HIPK2: variants seen among roughly 807,000 people sequenced by gnomAD.
The protein encoded by HIPK2 is homeodomain-interacting protein kinase 2.
A neutral mutation model predicts 113.7 loss-of-function variants in HIPK2; 27 were observed. The ratio of observed to expected loss-of-function variants is 0.24; its 90% CI spans 0.17 to 0.33. The LOEUF (loss-of-function observed/expected upper bound fraction) is 0.33, where lower values mean the gene tolerates loss of function less well. Ranked by LOEUF, HIPK2 falls within the 10% of genes least tolerant of loss-of-function variation. HIPK2 has a pLI of 1.00. For missense variants in HIPK2, 1,257 were observed against 1,588.0 expected (o/e 0.79, Z 3.54); for synonymous variants, 631 against 642.2 (o/e 0.98, Z 0.26).
Position 139,626,744 on chromosome 7 carries a change from T to G in HIPK2, c.1476A>C (p.Val492=), listed in dbSNP as rs763203519. The change falls in exon 6 of 15, where the codon GTA becomes GTC. Residue 492 remains valine (V), a synonymous_variant. Transcript: ENST00000406875. ...TTDLEGSDML[V]EKADRREFID... ...TGAACTCCCGCCGGTCAGCCTTTTC[T>G]ACCAACATGTCGCTCCCTTCCAAAT... The G allele has an allele frequency of 2.5e-6, 4 of 1,614,016 alleles. No individual in the cohort carries two copies. Among genetic ancestry groups the G allele is most frequent in the Non-Finnish European group, 3.4e-6 (4 of 1,179,906 alleles).
Position 139,631,811 on chromosome 7 carries a change from G to T in HIPK2, c.1104-86C>A. On this transcript the variant is annotated intron_variant, in intron 2 of 14. Coordinates refer to ENST00000406875, the MANE Select transcript of HIPK2 (RefSeq NM_022740.5). This position sits in a 1 kb window ranked among gnomAD's most constrained non-coding sequence, Gnocchi z 4.9. Reference sequence around the variant, plus strand: ...ATGAATACTATCTTTCAAACCTGGGGTGCCATTACTGACTCCTCCTCTGAA... The same window carrying T: ...ATGAATACTATCTTTCAAACCTGGGTTGCCATTACTGACTCCTCCTCTGAA... The T allele has an allele frequency of 6.8e-7, 1 of 1,469,746 alleles. No homozygotes were observed. Among genetic ancestry groups the T allele is most frequent in the Non-Finnish European group, 9.1e-7 (1 of 1,101,644 alleles). The allele number at this position is 1,469,746 out of a possible 1,614,324, so 91.0% of individuals were successfully genotyped here.
intron 1 of HIPK2, among the ~76,000 whole-genome samples, chr7:139,734,429 A>G (rs900015350): frequency 1.3e-5 from 2 of 152,196 alleles, no homozygotes; most frequent in African/African-American, 4.8e-5. Flanking sequence ...AAGATGCCCT[A>G]CAGGAGTCTG....
chr7:139,620,973 T>C (rs1800214690), intron 6 of HIPK2, among the ~76,000 whole-genome samples: 1 of 152,136 alleles, frequency 6.6e-6, no homozygotes, highest in African/African-American at 2.4e-5. Flanking sequence ...CGCCTCCACC[T>C]TTCCCAAAGA....
Position 139,626,729 on chromosome 7 carries a change from C to T in HIPK2, c.1491G>A (p.Arg497=), listed in dbSNP as rs765444198. The T allele has an allele frequency of 5.0e-6, 8 of 1,613,844 alleles. No individual in the cohort carries two copies. Among genetic ancestry groups the T allele is most frequent in the Non-Finnish European group, 6.8e-6 (8 of 1,179,912 alleles). Residue 497 remains arginine (R), a synonymous_variant, in exon 6 of 15, where the codon CGG becomes CGA. Transcript: ENST00000406875. ...GSDMLVEKAD[R]REFIDLLKKM... is the part of the protein sequence containing the mutation. ...TCTTCAACAGGTCAATGAACTCCCGCCGGTCAGCCTTTTCTACCAACATGT... is the reference window on the plus strand; with the variant it reads ...TCTTCAACAGGTCAATGAACTCCCGTCGGTCAGCCTTTTCTACCAACATGT...
At position 139,700,644 on chromosome 7, in the gene HIPK2, C is replaced by G. The variant is rs1405258471; in HGVS notation, c.1103+15288G>C. Reference sequence around the variant, plus strand: ...CAATCTATAAATGATATTTCCTCTCCTCAGTTCATTTCTCTCGTGAGGCTT... The same window carrying G: ...CAATCTATAAATGATATTTCCTCTCGTCAGTTCATTTCTCTCGTGAGGCTT... On this transcript the variant is annotated intron_variant, in intron 2 of 14. Coordinates refer to ENST00000406875, the MANE Select transcript of HIPK2 (RefSeq NM_022740.5). Among the ~76,000 whole-genome samples the G allele has an allele frequency of 3.9e-5, 6 of 152,308 alleles. No homozygotes were observed. The East Asian group carries it at 1.2e-3, about 29-fold the overall frequency.
intron 1 of HIPK2, among the ~76,000 whole-genome samples, chr7:139,759,815 G>A (rs1236232033): frequency 6.6e-6 from 1 of 152,126 alleles, no homozygotes; most frequent in Non-Finnish European, 1.5e-5. Context: ...GGAACAAAGT[G>A]CATAGGGCTC....
intron 13 of HIPK2, among the ~76,000 whole-genome samples, chr7:139,578,008 G>A (rs981188674): frequency 1.6e-4 from 24 of 151,682 alleles, no homozygotes; most frequent in African/African-American, 5.8e-4. Context: ...GCACCACCAC[G>A]CCCAGCTAAT....
At chr7:139,643,327 G>A (rs1002342332) in intron 2 of HIPK2, among the ~76,000 whole-genome samples, 9 of 151,900 alleles carry the variant, frequency 5.9e-5, no homozygotes, top group African/African-American at 1.9e-4. Context: ...TCAGATTGGC[G>A]GTTTTTTCTA....
chr7:139,657,862 ATTGAC>A (rs1348389181), intron 2 of HIPK2, among the ~76,000 whole-genome samples: 1 of 152,202 alleles, frequency 6.6e-6, no homozygotes, highest in African/African-American at 2.4e-5. Context: ...AACACAACTG[ATTGAC>A]TTATTTTGTG....
chr7:139,768,447 T>G (rs1185505476), intron 1 of HIPK2, among the ~76,000 whole-genome samples: 1 of 149,522 alleles, frequency 6.7e-6, no homozygotes. Context: ...GGGAAATCAG[T>G]TTTTTTTTTA....
At chr7:139,667,348 C>T (rs1035511825) in intron 2 of HIPK2, among the ~76,000 whole-genome samples, 3 of 152,008 alleles carry the variant, frequency 2.0e-5, no homozygotes, top group Non-Finnish European at 4.4e-5. Flanking sequence ...ATCACATATA[C>T]ACATATAGCT....
intron 1 of HIPK2, among the ~76,000 whole-genome samples, chr7:139,775,752 C>T (rs865855384): frequency 1.3e-5 from 2 of 152,150 alleles, no homozygotes; most frequent in Non-Finnish European, 2.9e-5. Context: ...GTAGCAGGAA[C>T]GGGGAGAGCC....
chr7:139,590,386 A>T (rs1438141761), intron 12 of HIPK2, among the ~76,000 whole-genome samples: 1 of 152,248 alleles, frequency 6.6e-6, no homozygotes, highest in East Asian at 1.9e-4. Flanking sequence ...TCCCTAAAGG[A>T]GAAAGCACTG....
At position 139,626,696 on chromosome 7, in the gene HIPK2, C is replaced by A; in HGVS notation, c.1524G>T (p.Leu508=). 6.2e-7 allele frequency: 1 copy of A among 1,613,970 alleles called. No individual in the cohort carries two copies. Among genetic ancestry groups the A allele is most frequent in the Non-Finnish European group, 8.5e-7 (1 of 1,179,902 alleles). Residue 508 remains leucine (L), a synonymous_variant, in exon 6 of 15, where the codon CTG becomes CTT. Coordinates refer to ENST00000406875, the MANE Select transcript of HIPK2 (RefSeq NM_022740.5). ...TGATTCTCTTGTCAGCATCAATGGTCAGCATCTTCTTCAACAGGTCAATGA... is the reference window on the plus strand; with the variant it reads ...TGATTCTCTTGTCAGCATCAATGGTAAGCATCTTCTTCAACAGGTCAATGA... ...REFIDLLKKM[L]TIDADKRITP...
Position 139,716,836 on chromosome 7 carries a change from C to T in HIPK2, c.199G>A (p.Val67Ile), listed in dbSNP as rs201336118. Residue 67 changes from valine to isoleucine, a missense_variant, in exon 2 of 15, where the codon GTC becomes ATC. Val to Ile is a conservative substitution (Grantham distance 29). Around this residue, in one of 5 missense-constraint regions of HIPK2, gnomAD observed 209 missense variants for 237.8 expected, o/e 0.88. Transcript: ENST00000406875. This position sits in a 1 kb window ranked among gnomAD's most constrained non-coding sequence, Gnocchi z 9.3. ...TTTGGGACCGGCAAGGAGGTGCTGA[C>T]GGTTGTGGTGGCTGGCTGCGACAGG... ...IPLSQPATTT[V>I]STSLPVPNPS... The T allele has an allele frequency of 1.0e-4, 168 of 1,613,830 alleles. No individual in the cohort carries two copies. Among genetic ancestry groups the T allele is most frequent in the Middle Eastern group, 1.6e-4 (1 of 6,062 alleles).
intron 1 of HIPK2, among the ~76,000 whole-genome samples, chr7:139,724,762 A>G (rs1447634075): frequency 7.1e-6 from 1 of 140,008 alleles, no homozygotes; most frequent in African/African-American, 2.7e-5. Flanking sequence ...ATTCCCATCT[A>G]TGAGTGAGAA....
intron 2 of HIPK2, among the ~76,000 whole-genome samples, chr7:139,688,145 A>G (rs1311703946): frequency 6.6e-6 from 1 of 152,018 alleles, no homozygotes; most frequent in Non-Finnish European, 1.5e-5. Flanking sequence ...TCCACTGGGC[A>G]CACACACACC....
chr7:139,671,238 G>A (rs1430251124), intron 2 of HIPK2, among the ~76,000 whole-genome samples: 1 of 152,112 alleles, frequency 6.6e-6, no homozygotes, highest in African/African-American at 2.4e-5. Context: ...GGAATTCAGG[G>A]AATTGAAATT....
chr7:139,731,481 T>C (rs1166085650), intron 1 of HIPK2, among the ~76,000 whole-genome samples: 8 of 152,226 alleles, frequency 5.3e-5, no homozygotes, highest in Admixed American at 5.2e-4. Flanking sequence ...CGGCACTTCC[T>C]CAAACCTGCC....
Sources: gnomAD v4.1 joint callset for allele counts (sites outside exome capture counted in the v4.1 genomes callset) on GRCh38, gnomAD v4.1.1 for gene constraint, gnomAD v4.1.1 regional missense constraint, Gnocchi (gnomAD v3.1) non-coding constraint, MANE v1.5 for transcripts, NCBI Gene and HGNC (gene_info 2026-07-23, HGNC 2026-07-21) for gene names.